The following COL19A1 variants were observed in gnomAD, a reference collection of about 807,000 sequenced individuals.
COL19A1 encodes collagen alpha-1(XIX) chain.
A neutral mutation model predicts 190.2 loss-of-function variants in COL19A1; 159 were observed. That is an observed-to-expected ratio of 0.84 (90% CI 0.73 to 0.95). The LOEUF is 0.95. COL19A1 is among the 40% of genes least tolerant of loss of function. COL19A1 has a pLI of 0.00. For synonymous variants in COL19A1, 509 were observed against 458.9 expected, an observed-to-expected ratio of 1.11 and a Z score of -1.39; for missense variants, 1,418 against 1,431.9, an observed-to-expected ratio of 0.99 and a Z score of 0.16.
At position 70,073,724 on chromosome 6, in the gene COL19A1, A is replaced by C. The variant is rs187089201; in HGVS notation, c.1224+5248A>C. ...AAATTAAGTATGTAAAAATGTCTGCAAGGTAGAGTAGACTATTGCCTTTTC... is the reference window on the plus strand; with the variant it reads ...AAATTAAGTATGTAAAAATGTCTGCCAGGTAGAGTAGACTATTGCCTTTTC... On this transcript the variant is annotated intron_variant, in intron 15 of 50. Transcript: ENST00000620364. Among the ~76,000 whole-genome samples the C allele has an allele frequency of 1.4e-3, 210 of 152,306 alleles. 1 individual carries two copies. The highest frequency in any genetic ancestry group is 4.8e-3 in the African/African-American group (201 of 41,566).
chr6:70,134,297 G>GA (rs749485498), intron 18 of COL19A1, among the ~76,000 whole-genome samples: 2 of 151,554 alleles, frequency 1.3e-5, no homozygotes, highest in Non-Finnish European at 2.9e-5. Context: ...CTATGTCTAG[G>GA]AAAAAAAATG....
chr6:70,113,458 A>C (rs547263243), intron 16 of COL19A1, among the ~76,000 whole-genome samples: 1 of 152,296 alleles, frequency 6.6e-6, no homozygotes, highest in African/African-American at 2.4e-5. Flanking sequence ...TATCCACTGC[A>C]ATTTCATGCT....
chr6:70,136,540 T>G (rs184462733), intron 18 of COL19A1, among the ~76,000 whole-genome samples: 70 of 152,304 alleles, frequency 4.6e-4, no homozygotes, highest in Middle Eastern at 3.4e-3. Flanking sequence ...GTATGTTATT[T>G]ATGAGATAAA....
chr6:70,049,629 A>G (rs1780088803), intron 14 of COL19A1, among the ~76,000 whole-genome samples: 2 of 152,050 alleles, frequency 1.3e-5, no homozygotes, highest in Non-Finnish European at 2.9e-5. Flanking sequence ...AAAAGTCCAA[A>G]TTATGCATTT....
chr6:70,187,071 G>T (rs1360220182), intron 46 of COL19A1, among the ~76,000 whole-genome samples: 1 of 152,006 alleles, frequency 6.6e-6, no homozygotes, highest in African/African-American at 2.4e-5. Flanking sequence ...GTAGAGACAG[G>T]GTTTCTCCAT....
chr6:70,045,133 A>G (rs1779837822), intron 14 of COL19A1, among the ~76,000 whole-genome samples: 2 of 151,792 alleles, frequency 1.3e-5, no homozygotes, highest in Admixed American at 1.3e-4. Flanking sequence ...ACCAAAATGG[A>G]GAAATGCCAT....
intron 1 of COL19A1, among the ~76,000 whole-genome samples, chr6:69,877,231 A>G (rs1301335371): frequency 6.6e-6 from 1 of 152,190 alleles, no homozygotes; most frequent in Non-Finnish European, 1.5e-5. Flanking sequence ...TACCAAATAC[A>G]CTGAGGGAGC....
At chr6:70,125,596 A>C (rs913495172) in intron 17 of COL19A1, among the ~76,000 whole-genome samples, 2 of 152,154 alleles carry the variant, frequency 1.3e-5, no homozygotes, top group African/African-American at 4.8e-5. Context: ...AAAAAAAAGC[A>C]AATGAGGAAG....
chr6:69,912,245 T>A (rs1770981653), intron 4 of COL19A1, among the ~76,000 whole-genome samples: 1 of 152,222 alleles, frequency 6.6e-6, no homozygotes, highest in South Asian at 2.1e-4. Context: ...TACCACTTTT[T>A]CCATAATTCT....
At chr6:70,065,870 A>G (rs998859703) in intron 14 of COL19A1, among the ~76,000 whole-genome samples, 1 of 152,234 alleles carries the variant, frequency 6.6e-6, no homozygotes, top group Non-Finnish European at 1.5e-5. Context: ...GCTCATCATC[A>G]CTGGCCATCA....
intron 15 of COL19A1, among the ~76,000 whole-genome samples, chr6:70,091,726 A>G (rs1478983144): frequency 1.3e-5 from 2 of 151,784 alleles, no homozygotes; most frequent in Admixed American, 6.6e-5. Flanking sequence ...TGAACAGAGA[A>G]AAAGTCAAAG....
At chr6:70,054,516 A>T (rs1780385610) in intron 14 of COL19A1, among the ~76,000 whole-genome samples, 1 of 152,160 alleles carries the variant, frequency 6.6e-6, no homozygotes, top group Non-Finnish European at 1.5e-5. Flanking sequence ...AATTAGGGCA[A>T]TTCCTTACTA....
chr6:69,930,347 TA>T (rs35208459), intron 6 of COL19A1, among the ~76,000 whole-genome samples: 2 of 152,176 alleles, frequency 1.3e-5, no homozygotes, highest in African/African-American at 4.8e-5. Flanking sequence ...TCTGTAATCT[TA>T]AAAAAGTTAG....
In COL19A1 at chr6:70,207,847, T is replaced by A. The variant is rs1767987708; in HGVS notation, c.*573T>A. The A allele has an allele frequency of 6.6e-6, 1 of 152,074 alleles. No homozygotes were observed. Among genetic ancestry groups the A allele is most frequent in the Admixed American group, 6.5e-5 (1 of 15,282 alleles). 9.4% of individuals were successfully genotyped at this position (152,074 alleles called of 1,614,324 possible). On this transcript the variant is annotated 3_prime_UTR_variant, in exon 51 of 51. Transcript: ENST00000620364. ...AAAATAGGCAATAAGAACTTCATTTTACAATTTATGTTTTCAAAAAAAAAA... is the reference window on the plus strand; with the variant it reads ...AAAATAGGCAATAAGAACTTCATTTAACAATTTATGTTTTCAAAAAAAAAA...
At chr6:70,149,619 T>G (rs1786901376) in intron 27 of COL19A1, 85 bp from the exon 28 acceptor site, 1 of 1,545,084 alleles carries the variant, frequency 6.5e-7, no homozygotes. Flanking sequence ...CTAAGTAAAC[T>G]ACAATGCTTA....
intron 4 of COL19A1, among the ~76,000 whole-genome samples, chr6:69,926,103 G>T (rs1253501755): frequency 6.6e-6 from 1 of 152,034 alleles, no homozygotes; most frequent in East Asian, 1.9e-4. Context: ...GATTGCCCTG[G>T]CCAGAACTTC....
intron 41 of COL19A1, among the ~76,000 whole-genome samples, chr6:70,173,311 G>A (rs370323764): frequency 2.0e-4 from 30 of 152,278 alleles, no homozygotes; most frequent in African/African-American, 6.5e-4. Context: ...GTTGTAAAGC[G>A]GAAGACTGGA....
At chr6:70,057,003 A>G (rs562187500) in intron 14 of COL19A1, among the ~76,000 whole-genome samples, 6 of 152,298 alleles carry the variant, frequency 3.9e-5, no homozygotes, top group African/African-American at 1.4e-4. Flanking sequence ...TTTATGTTGC[A>G]TAACCCAAAT....
At chr6:69,927,784 A>T (rs150948416) in intron 4 of COL19A1, 125 bp from the exon 5 acceptor site, 1 of 1,242,370 alleles carries the variant, frequency 8.0e-7, no homozygotes, top group South Asian at 1.7e-5. Flanking sequence ...AGAAAAGTGC[A>T]TAAGTTACAC....
Sources: allele counts gnomAD v4.1 joint callset (sites outside exome capture counted in the v4.1 genomes callset), GRCh38; gene constraint gnomAD v4.1.1; transcripts MANE v1.5; gene names NCBI Gene and HGNC (gene_info 2026-07-23, HGNC 2026-07-21).